BIK: variants seen among roughly 807,000 people sequenced by gnomAD.
BIK encodes BCL2 interacting killer.
In BIK, 14 loss-of-function variants were observed where a neutral mutation model predicts 12.1. That is an observed-to-expected ratio of 1.16 (90% CI 0.77 to 1.81). The LOEUF (loss-of-function observed/expected upper bound fraction) is 1.81. Ranked by LOEUF, BIK falls within the 40% of genes most tolerant of loss-of-function variation. BIK has a pLI of 0.00. For missense variants in BIK, 215 were observed against 207.9 expected, an observed-to-expected ratio of 1.03 and a Z score of -0.21; for synonymous variants, 86 against 92.3, an observed-to-expected ratio of 0.93 and a Z score of 0.39.
Position 43,129,228 on chromosome 22 carries a change from G to C in BIK, c.406G>C (p.Val136Leu), listed in dbSNP as rs1569468706. ...GCTCCCACAGGTGTCCTGCGAACAGGTGCTGCTGGCGCTGCTGCTGCTGCT... is the reference window on the plus strand; with the variant it reads ...GCTCCCACAGGTGTCCTGCGAACAGCTGCTGCTGGCGCTGCTGCTGCTGCT... ...NPGSWVSCEQ[V>L]LLALLLLLAL... Residue 136 changes from valine to leucine, a missense_variant, in exon 5 of 5, where the codon GTG becomes CTG. Physicochemically the swap from Val to Leu is conservative, Grantham distance 32. Coordinates refer to ENST00000216115, the MANE Select transcript of BIK (RefSeq NM_001197.5). 6.2e-7 allele frequency: 1 copy of C among 1,604,854 alleles called. No homozygotes were observed. The highest frequency in any genetic ancestry group is 8.5e-7 in the Non-Finnish European group (1 of 1,179,814).
chr22:43,124,438 G>A (rs2147024189), intron 2 of BIK, among the ~76,000 whole-genome samples: 1 of 152,288 alleles, frequency 6.6e-6, no homozygotes, highest in Non-Finnish European at 1.5e-5. Flanking sequence ...ATGGACCTGG[G>A]GCCCCTGGCT....
At position 43,129,355 on chromosome 22, in the gene BIK, C is replaced by T. The variant is rs766452936; in HGVS notation, c.*50C>T. The T allele has an allele frequency of 1.0e-5, 16 of 1,560,378 alleles. No homozygotes were observed. Among genetic ancestry groups the T allele is most frequent in the Non-Finnish European group, 1.3e-5 (15 of 1,163,852 alleles). ...TGGCCCCACCCCCATGACCACTGCC[C>T]TGGAGGTGGCGGCCTGCTGCTGTTA... On this transcript the variant is annotated 3_prime_UTR_variant, in exon 5 of 5. Transcript: ENST00000216115.
At chr22:43,127,922 C>T (rs1450237392) in intron 3 of BIK, 127 bp downstream of exon 3, 3 of 837,326 alleles carry the variant, frequency 3.6e-6, no homozygotes, top group Non-Finnish European at 5.4e-6. Context: ...GACACTGGGG[C>T]TATACTGAAA....
intron 1 of BIK, among the ~76,000 whole-genome samples, chr22:43,116,001 C>T (rs1376946425): frequency 6.6e-6 from 1 of 152,144 alleles, no homozygotes; most frequent in Non-Finnish European, 1.5e-5. Flanking sequence ...GTTGATCCAT[C>T]TGCCTTGACC....
At chr22:43,129,120 C>A in intron 4 of BIK, 93 bp from the exon 5 acceptor site, 1 of 1,593,414 alleles carries the variant, frequency 6.3e-7, no homozygotes, top group Non-Finnish European at 8.5e-7. Context: ...AGTCCCCACC[C>A]TCCTGGGCTT....
rs367976515 is a variant in BIK, at chr22:43,129,309, C to T, written c.*4C>T. 1,036 of 1,597,966 alleles carry T rather than the reference C, an allele frequency of 6.5e-4. 1 individual carries two copies. Among genetic ancestry groups the T allele is most frequent in the Non-Finnish European group, 8.1e-4 (954 of 1,178,600 alleles). ...CCTGCACCTGCTGCTCAAGTGAGGC[C>T]CCGGCGGCTCAGGGCGGGGCTGGCC... On this transcript the variant is annotated 3_prime_UTR_variant, in exon 5 of 5. Coordinates refer to ENST00000216115, the MANE Select transcript of BIK (RefSeq NM_001197.5).
chr22:43,119,511 C>G (rs1930179803), intron 1 of BIK, among the ~76,000 whole-genome samples: 2 of 152,104 alleles, frequency 1.3e-5, no homozygotes. Context: ...ATCCCCACAA[C>G]AGTCCTGTGC....
At chr22:43,112,475 A>G (rs1027514362) in intron 1 of BIK, among the ~76,000 whole-genome samples, 14 of 151,548 alleles carry the variant, frequency 9.2e-5, no homozygotes, top group Admixed American at 2.0e-4. Flanking sequence ...CTGGGATTAC[A>G]GGTGTGACCC....
At chr22:43,128,911 G>A (rs956669667) in intron 4 of BIK, among the ~76,000 whole-genome samples, 7 of 152,220 alleles carry the variant, frequency 4.6e-5, no homozygotes, top group Admixed American at 6.5e-5. Context: ...CTTCCTGGTA[G>A]CCTGGTCCCA....
chr22:43,117,108 G>GCT (rs1191629723), intron 1 of BIK, among the ~76,000 whole-genome samples: 1 of 152,192 alleles, frequency 6.6e-6, no homozygotes, highest in East Asian at 1.9e-4. Flanking sequence ...CATTTCAAAG[G>GCT]CTCTGATTCT....
chr22:43,126,829 G>A (rs1029620298), intron 2 of BIK, among the ~76,000 whole-genome samples: 7 of 152,128 alleles, frequency 4.6e-5, no homozygotes, highest in Admixed American at 3.9e-4. Context: ...CAGGGTAACA[G>A]AAGGTAGGAC....
At position 43,127,742 on chromosome 22, in the gene BIK, C is replaced by G. The variant is rs754646025; in HGVS notation, c.207C>G (p.Asp69Glu). 53 of 1,554,754 alleles carry G rather than the reference C, an allele frequency of 3.4e-5. 2 individuals carry two copies. The South Asian group carries it at 5.9e-4, about 17-fold the overall frequency. The change falls in exon 3 of 5, where the codon GAC (aspartate) becomes GAG (glutamate). Residue 69 changes from aspartate (D) to glutamate (E), a missense_variant. Transcript: ENST00000216115. Reference protein sequence around the residue: ...LRLACIGDEMDVSLRAPRLAQ... With the variant: ...LRLACIGDEMEVSLRAPRLAQ... ...TGGCCTGCATCGGGGACGAGATGGA[C>G]GTGAGCCTCAGGGCCCCGCGCCTGG...
intron 1 of BIK, among the ~76,000 whole-genome samples, chr22:43,118,878 C>T (rs531806753): frequency 6.6e-6 from 1 of 152,202 alleles, no homozygotes; most frequent in Admixed American, 6.6e-5. Flanking sequence ...AGCCTCGGCC[C>T]TCGAACACCT....
intron 1 of BIK, among the ~76,000 whole-genome samples, chr22:43,117,356 G>C (rs371785797): frequency 6.6e-6 from 1 of 150,716 alleles, no homozygotes; most frequent in South Asian, 2.1e-4. Context: ...TACATACTAC[G>C]GATTTTTTTT....
chr22:43,124,500 A>T (rs1930277989), intron 2 of BIK, among the ~76,000 whole-genome samples: 1 of 152,166 alleles, frequency 6.6e-6, no homozygotes, highest in Admixed American at 6.5e-5. Flanking sequence ...GCCCTTAGCG[A>T]CCTGCTGAGG....
At position 43,124,009 on chromosome 22, in the gene BIK, G is replaced by T; in HGVS notation, c.-7-7G>T. Reference sequence around the variant, plus strand: ...GGGTCCAGTCATATGCTGTCTTTTTGCCCCAGAGGAGAAATGTCTGAAGTA... The same window carrying T: ...GGGTCCAGTCATATGCTGTCTTTTTTCCCCAGAGGAGAAATGTCTGAAGTA... On this transcript the variant is annotated splice_polypyrimidine_tract_variant and splice_region_variant and intron_variant, in intron 1 of 4. Transcript: ENST00000216115. 1 of 1,612,542 alleles carries T rather than the reference G, an allele frequency of 6.2e-7. No homozygotes were observed. The highest frequency in any genetic ancestry group is 8.5e-7 in the Non-Finnish European group (1 of 1,179,532).
chr22:43,119,532 A>G (rs1188358730), intron 1 of BIK, among the ~76,000 whole-genome samples: 1 of 152,084 alleles, frequency 6.6e-6, no homozygotes, highest in Non-Finnish European at 1.5e-5. Flanking sequence ...AATAGGTGTT[A>G]CTAGTATCTC....
At chr22:43,118,995 C>T (rs753883754) in intron 1 of BIK, among the ~76,000 whole-genome samples, 2 of 151,956 alleles carry the variant, frequency 1.3e-5, no homozygotes, top group Admixed American at 6.6e-5. Context: ...GAGCCATAGG[C>T]GAGCTGTCGA....
At chr22:43,115,966 G>C (rs936656400) in intron 1 of BIK, among the ~76,000 whole-genome samples, 32 of 151,860 alleles carry the variant, frequency 2.1e-4, no homozygotes, top group African/African-American at 7.0e-4. Context: ...CATGTTGACC[G>C]GGGGGTCTTG....
Sources: gnomAD v4.1 joint callset for allele counts (sites outside exome capture counted in the v4.1 genomes callset) on GRCh38, gnomAD v4.1.1 for gene constraint, MANE v1.5 for transcripts, NCBI Gene and HGNC (gene_info 2026-07-23, HGNC 2026-07-21) for gene names.